Variants in NECTIN3 observed in about 807,000 individuals in gnomAD.
The protein encoded by NECTIN3 is nectin cell adhesion molecule 3.
A neutral mutation model predicts 49.4 loss-of-function variants in NECTIN3; 8 were observed. The ratio of observed to expected loss-of-function variants is 0.16; its 90% CI spans 0.10 to 0.29. NECTIN3 has a LOEUF of 0.29. Ranked by LOEUF, NECTIN3 falls within the 10% of genes least tolerant of loss-of-function variation. The pLI is 1.00. For missense variants in NECTIN3, 581 were observed against 654.6 expected (o/e 0.89, Z 1.23); for synonymous variants, 277 against 241.1 (o/e 1.15, Z -1.38).
At chr3:111,100,634 GAT>G (rs2032851182) in intron 1 of NECTIN3, among the ~76,000 whole-genome samples, 1 of 151,890 alleles carries the variant, frequency 6.6e-6, no homozygotes. Context: ...TAATTTTTGT[GAT>G]ATTTTTGGGA....
chr3:111,098,523 C>T (rs1478308813), intron 1 of NECTIN3, among the ~76,000 whole-genome samples: 2 of 152,132 alleles, frequency 1.3e-5, no homozygotes, highest in African/African-American at 2.4e-5. Flanking sequence ...TTTACATGGC[C>T]TTCTCATCTC....
At chr3:111,191,206 A>C (rs1165395620), upstream of NECTIN3, among the ~76,000 whole-genome samples, 1 of 152,188 alleles carries the variant, frequency 6.6e-6, no homozygotes, top group Non-Finnish European at 1.5e-5. Flanking sequence ...CATTTGAATC[A>C]CTATTTACCA....
intron 1 of NECTIN3, among the ~76,000 whole-genome samples, chr3:111,086,764 C>T (rs943781273): frequency 2.0e-5 from 3 of 152,000 alleles, no homozygotes; most frequent in Non-Finnish European, 4.4e-5. Flanking sequence ...CATAAAAAGC[C>T]TGCAGGATTT....
At chr3:111,158,635 T>C (rs1336303243) in intron 7 of NECTIN3, among the ~76,000 whole-genome samples, 4 of 152,108 alleles carry the variant, frequency 2.6e-5, no homozygotes, top group Non-Finnish European at 5.9e-5. Context: ...TTATTTCCCA[T>C]TGAGATATGA....
intron 7 of NECTIN3, among the ~76,000 whole-genome samples, chr3:111,163,471 T>C (rs550697527): frequency 6.6e-6 from 1 of 152,332 alleles, no homozygotes; most frequent in South Asian, 2.1e-4. Context: ...TTTTGGAAAA[T>C]ACAATCTTTG....
At chr3:111,173,363 A>G (rs1449225660) in intron 7 of NECTIN3, among the ~76,000 whole-genome samples, 3 of 152,076 alleles carry the variant, frequency 2.0e-5, no homozygotes, top group Non-Finnish European at 4.4e-5. Context: ...ATCATACGTG[A>G]TTTTTTCAGT....
At position 111,133,852 on chromosome 3, in the gene NECTIN3, G is replaced by A. The variant is rs2034479956; in HGVS notation, c.1287G>A (p.Arg429=). 6.2e-7 allele frequency: 1 copy of A among 1,613,960 alleles called. No individual in the cohort carries two copies. The highest frequency in any genetic ancestry group is 8.5e-7 in the Non-Finnish European group (1 of 1,179,888). The change falls in exon 6 of 6, where the codon AGG becomes AGA. Residue 429 remains arginine (R), a synonymous_variant. Transcript: ENST00000485303. ...TTTTGGCTGGAATATTCTGCTATAG[G>A]AGAAGACGGACGTTTCGTGGAGACT... ...VSVLAGIFCY[R]RRRTFRGDYF...
intron 7 of NECTIN3, among the ~76,000 whole-genome samples, chr3:111,157,023 G>A (rs1430935776): frequency 1.3e-5 from 2 of 152,174 alleles, no homozygotes; most frequent in Non-Finnish European, 2.9e-5. Flanking sequence ...ATCTTATTCT[G>A]AGAAATAAGC....
chr3:111,132,302 A>G (rs184174258), intron 5 of NECTIN3, among the ~76,000 whole-genome samples: 4 of 152,056 alleles, frequency 2.6e-5, no homozygotes, highest in Admixed American at 1.3e-4. Flanking sequence ...TAAATTTTAT[A>G]CTGTACTTGC....
chr3:111,134,847 CACTAAA>C lies in NECTIN3; in HGVS notation c.*636_*641del. ...GTGGCTTTTCAAAGATATTTTGTTG[CACTAAA>C]ACTGTGGTAGTAAACTCAGTGAACA... On this transcript the variant is annotated 3_prime_UTR_variant, in exon 6 of 6. Transcript: ENST00000485303. 2.0e-6 allele frequency: 2 copies of C among 982,332 alleles called. No individual in the cohort carries two copies. Among genetic ancestry groups the C allele is most frequent in the Non-Finnish European group, 2.4e-6 (2 of 827,330 alleles). 60.9% of individuals were successfully genotyped at this position (982,332 alleles called of 1,614,324 possible).
At chr3:111,072,683 C>T (rs1576056206) in intron 1 of NECTIN3, 2 of 1,108,176 alleles carry the variant, frequency 1.8e-6, no homozygotes, top group East Asian at 5.3e-5. Flanking sequence ...CCGCAGAATC[C>T]CCTACAGCTA....
Position 111,080,772 on chromosome 3 carries a change from C to T in NECTIN3, c.160+8595C>T, listed in dbSNP as rs909331604. Among the ~76,000 whole-genome samples the T allele has an allele frequency of 7.9e-5, 12 of 151,650 alleles. No individual in the cohort carries two copies. The East Asian group carries it at 1.4e-3, about 17-fold the overall frequency. On this transcript the variant is annotated intron_variant, in intron 1 of 5. Transcript: ENST00000485303. The stretch of plus-strand genomic sequence containing the variant: ...GTGCTAGGGAGTATAAAGGATACCA[C>T]GGTGGAATGAGGCATGTTGGCCCTC...
chr3:111,121,247 T>C (rs2033940504), intron 3 of NECTIN3, among the ~76,000 whole-genome samples: 1 of 151,274 alleles, frequency 6.6e-6, no homozygotes, highest in Non-Finnish European at 1.5e-5. Context: ...TCTCCTGACC[T>C]CATGATCCTC....
intron 2 of NECTIN3, among the ~76,000 whole-genome samples, chr3:111,118,255 T>C (rs2033780487): frequency 1.7e-5 from 2 of 115,508 alleles, no homozygotes; most frequent in Non-Finnish European, 1.9e-5. Context: ...AAGCTATATA[T>C]ATATATATAT....
Position 111,094,614 on chromosome 3 carries a change from G to A in NECTIN3, c.161-17416G>A, listed in dbSNP as rs867567512. On this transcript the variant is annotated intron_variant, in intron 1 of 5. Coordinates refer to ENST00000485303, the MANE Select transcript of NECTIN3 (RefSeq NM_015480.3). ...CACAATCAGCAGTGGGGCCTGAGGC[G>A]AAGTCTTGGAAAAACCAGGAACAGG... 3.9e-5 allele frequency among the ~76,000 whole-genome samples: 6 copies of A among 152,136 alleles called. No homozygotes were observed. In the South Asian group the frequency reaches 8.3e-4, roughly 21 times the overall value.
chr3:111,182,595 AT>A (rs1245528834), intron 7 of NECTIN3, among the ~76,000 whole-genome samples: 1 of 151,916 alleles, frequency 6.6e-6, no homozygotes, highest in Non-Finnish European at 1.5e-5. Flanking sequence ...ATTTCTGATA[AT>A]TTTATTTGTC....
intron 7 of NECTIN3, among the ~76,000 whole-genome samples, chr3:111,148,261 C>T (rs1047896686): frequency 1.3e-5 from 2 of 152,158 alleles, no homozygotes; most frequent in African/African-American, 4.8e-5. Flanking sequence ...TGGAAAAATT[C>T]TAAAGGAATG....
intron 5 of NECTIN3, among the ~76,000 whole-genome samples, chr3:111,127,110 A>G (rs1391030478): frequency 6.6e-6 from 1 of 152,202 alleles, no homozygotes; most frequent in East Asian, 1.9e-4. Context: ...CTGTCTAACA[A>G]ATGGAAAATT....
upstream of NECTIN3, among the ~76,000 whole-genome samples, chr3:111,189,702 G>A (rs150046630): frequency 2.4e-4 from 36 of 152,322 alleles, no homozygotes; most frequent in East Asian, 6.9e-3. Context: ...ACCAGGACCA[G>A]CTACATAATT....
Sources: gnomAD v4.1 joint callset for allele counts (sites outside exome capture counted in the v4.1 genomes callset) on GRCh38, gnomAD v4.1.1 for gene constraint, MANE v1.5 for transcripts, NCBI Gene and HGNC (gene_info 2026-07-23, HGNC 2026-07-21) for gene names.